Variants in HMGB1 observed in about 807,000 individuals in gnomAD.
HMGB1 encodes high mobility group box 1.
For synonymous variants in HMGB1, 81 were observed against 84.0 expected (o/e 0.96, Z 0.19); for missense variants, 79 against 253.5 (o/e 0.31, Z 4.67).
At chr13:30,608,246 T>C (rs922818667) in intron 1 of HMGB1, among the ~76,000 whole-genome samples, 1 of 152,188 alleles carries the variant, frequency 6.6e-6, no homozygotes, top group East Asian at 1.9e-4. Flanking sequence ...TCATACACAA[T>C]GTATGAAATG....
At position 30,555,628 on chromosome 13, in the gene HMGB1, T is replaced by C. The variant is rs1169153302; in HGVS notation, c.-15+61043A>G. On this transcript the variant is annotated intron_variant, in intron 1 of 4. Coordinates refer to the HMGB1 transcript ENST00000405805. ...ACAGAATAAACAATGCCTATAATTA[T>C]TTTTAAAAAGAATCATCCTAAATTT... 2.0e-5 allele frequency among the ~76,000 whole-genome samples: 3 copies of C among 152,210 alleles called. No homozygotes were observed. In the East Asian group the frequency reaches 5.8e-4, roughly 29 times the overall value.
intron 1 of HMGB1, among the ~76,000 whole-genome samples, chr13:30,504,524 C>CA (rs972344933): frequency 1.3e-5 from 2 of 151,628 alleles, no homozygotes; most frequent in South Asian, 2.1e-4. Flanking sequence ...TAAAGCTAGA[C>CA]AAAAAAAATT....
rs1443491408 is a variant in HMGB1 at position 30,459,595 on chromosome 13, CTT to C, written c.*1760_*1761del. The stretch of plus-strand genomic sequence containing the variant: ...TTGCATGTATCTTGTTTTTAAAAAT[CTT>C]GTTTAAATCATTCTGAAAGTAAAAC... On this transcript the variant is annotated 3_prime_UTR_variant, in exon 5 of 5. Transcript: ENST00000341423. 1.3e-5 allele frequency: 2 copies of C among 152,114 alleles called. No homozygotes were observed. Among genetic ancestry groups the C allele is most frequent in the African/African-American group, 4.8e-5 (2 of 41,432 alleles). The allele number at this position is 152,114 out of a possible 1,614,324, so 9.4% of individuals were successfully genotyped here.
intron 1 of HMGB1, among the ~76,000 whole-genome samples, chr13:30,580,522 C>T (rs1040168556): frequency 2.6e-5 from 4 of 151,788 alleles, no homozygotes; most frequent in African/African-American, 9.7e-5. Context: ...GAGCAATTTA[C>T]CAAAAAAAAG....
rs1233009041 is a variant in HMGB1 at position 30,460,835 on chromosome 13, CAA to C, written c.*520_*521del. The C allele has an allele frequency of 6.5e-6, 1 of 153,488 alleles. No individual in the cohort carries two copies. The highest frequency in any genetic ancestry group is 1.4e-5 in the Non-Finnish European group (1 of 69,004). The allele number at this position is 153,488 out of a possible 1,614,324, so 9.5% of individuals were successfully genotyped here. A position where few individuals can be genotyped will look rare whatever the true frequency, so the allele number is the denominator to read the frequency against. On this transcript the variant is annotated 3_prime_UTR_variant, in exon 5 of 5. Transcript: ENST00000341423. ...TCATGTGATTCAAAATGGGCAAAAG[CAA>C]AAGACTAGCTTCCCCTCAAGAAGAA...
chr13:30,491,961 G>T (rs1287821399), intron 1 of HMGB1, among the ~76,000 whole-genome samples: 1 of 152,174 alleles, frequency 6.6e-6, no homozygotes, highest in Non-Finnish European at 1.5e-5. Context: ...GAGGTCAGGA[G>T]ATCAAGACCA....
chr13:30,586,490 T>TGC (rs1871158184), intron 1 of HMGB1, among the ~76,000 whole-genome samples: 1 of 142,322 alleles, frequency 7.0e-6, no homozygotes, highest in Non-Finnish European at 1.5e-5. Flanking sequence ...TTTTTTTTTT[T>TGC]TTTTTTTTTT....
chr13:30,501,439 C>T (rs1276590547), intron 1 of HMGB1, among the ~76,000 whole-genome samples: 4 of 152,044 alleles, frequency 2.6e-5, no homozygotes, highest in Non-Finnish European at 5.9e-5. Flanking sequence ...TAAATGTGTA[C>T]GTTTTTACAG....
At chr13:30,558,482 A>G (rs1869787033) in intron 1 of HMGB1, among the ~76,000 whole-genome samples, 1 of 152,192 alleles carries the variant, frequency 6.6e-6, no homozygotes, top group Admixed American at 6.5e-5. Flanking sequence ...AATAACTGAA[A>G]TGAAAACATA....
At chr13:30,571,462 T>C (rs1390420427) in intron 1 of HMGB1, among the ~76,000 whole-genome samples, 1 of 151,770 alleles carries the variant, frequency 6.6e-6, no homozygotes, top group Non-Finnish European at 1.5e-5. Context: ...GCCCGGCTAA[T>C]TTTTTTTATT....
intron 1 of HMGB1, among the ~76,000 whole-genome samples, chr13:30,569,365 C>A (rs1170229847): frequency 2.0e-5 from 3 of 152,054 alleles, no homozygotes; most frequent in Admixed American, 2.0e-4. Context: ...TATATCCTGT[C>A]AAAAAAGTGA....
chr13:30,499,083 G>A (rs34388067), intron 1 of HMGB1, among the ~76,000 whole-genome samples: 71,508 of 151,738 alleles, frequency 0.47, 18,356 homozygotes, highest in South Asian at 0.56. Flanking sequence ...CTCCTAAGTA[G>A]CTGGGATTAC....
At chr13:30,516,290 A>T (rs1392890665) in intron 1 of HMGB1, among the ~76,000 whole-genome samples, 1 of 152,240 alleles carries the variant, frequency 6.6e-6, no homozygotes, top group Non-Finnish European at 1.5e-5. Flanking sequence ...TTGATTCAAG[A>T]TATTCAAGAG....
intron 1 of HMGB1, among the ~76,000 whole-genome samples, chr13:30,560,912 T>C (rs1009190586): frequency 6.6e-6 from 1 of 151,804 alleles, no homozygotes. Context: ...CTGGAGTTCA[T>C]AAATCAGAAC....
At chr13:30,491,660 C>CAAAAAAAAAAA (rs71093072) in intron 1 of HMGB1, among the ~76,000 whole-genome samples, 1 of 120,136 alleles carries the variant, frequency 8.3e-6, no homozygotes, top group Non-Finnish European at 1.7e-5. Flanking sequence ...GACCCTATCT[C>CAAAAAAAAAAA]AAAAAAAAAA....
intron 1 of HMGB1, among the ~76,000 whole-genome samples, chr13:30,484,312 G>A (rs753535373): frequency 1.3e-5 from 2 of 152,144 alleles, no homozygotes; most frequent in East Asian, 1.9e-4. Context: ...CTAACCTCCA[G>A]GAGCCACTCA....
In HMGB1 at chr13:30,460,990, G is replaced by C; in HGVS notation, c.*367C>G. 1 of 761,674 alleles carries C rather than the reference G, an allele frequency of 1.3e-6. No homozygotes were observed. The highest frequency in any genetic ancestry group is 1.6e-6 in the Non-Finnish European group (1 of 626,378). 47.2% of individuals were successfully genotyped at this position (761,674 alleles called of 1,614,324 possible). ...TTTTGCAATTACAGAGTGGTATTCA[G>C]TTAACAGAACAACAATTATTTCGTA... On this transcript the variant is annotated 3_prime_UTR_variant, in exon 5 of 5. Coordinates refer to ENST00000341423, the MANE Select transcript of HMGB1 (RefSeq NM_002128.7).
rs936939128 is a variant in HMGB1, at chr13:30,486,235, T to A, written c.-14-22541A>T. Among the ~76,000 whole-genome samples the A allele has an allele frequency of 8.5e-5, 13 of 152,212 alleles. No individual in the cohort carries two copies. The Middle Eastern group carries it at 9.5e-3, about 111-fold the overall frequency. Reference sequence around the variant, plus strand: ...GCTGGCATATAGTCTGGTCTGCTGATCTGAACCCATTTCGATTTCTTACTC... The same window carrying A: ...GCTGGCATATAGTCTGGTCTGCTGAACTGAACCCATTTCGATTTCTTACTC... On this transcript the variant is annotated intron_variant, in intron 1 of 4. Coordinates refer to the HMGB1 transcript ENST00000405805.
chr13:30,483,742 T>C (rs1887294073), intron 1 of HMGB1, among the ~76,000 whole-genome samples: 1 of 150,996 alleles, frequency 6.6e-6, no homozygotes, highest in South Asian at 2.1e-4. Context: ...GCCTCCTGAG[T>C]AGTTGGGGCC....
Sources: allele counts gnomAD v4.1 joint callset (sites outside exome capture counted in the v4.1 genomes callset), GRCh38; gene constraint gnomAD v4.1.1; transcripts MANE v1.5; gene names NCBI Gene and HGNC (gene_info 2026-07-23, HGNC 2026-07-21).